Variants in NF2 observed in about 807,000 individuals in gnomAD.
The protein encoded by NF2 is merlin.
NF2 carries 8 observed loss-of-function variants against 83.7 expected under a neutral mutation model. The ratio of observed to expected loss-of-function variants is 0.10; its 90% confidence interval spans 0.06 to 0.17. The LOEUF (loss-of-function observed/expected upper bound fraction) is 0.17. Among genes scored for constraint, NF2 ranks in the 10% least tolerant of loss-of-function variants. NF2 has a pLI of 1.00. For missense variants in NF2, 533 were observed against 744.4 expected (o/e 0.72, Z 3.31); for synonymous variants, 266 against 269.6 (o/e 0.99, Z 0.13).
intron 15 of NF2, among the ~76,000 whole-genome samples, chr22:29,687,493 G>A (rs866185017): frequency 6.6e-6 from 1 of 151,948 alleles, no homozygotes; most frequent in Non-Finnish European, 1.5e-5. Flanking sequence ...GAGAGAGATT[G>A]CATATGCGGG....
chr22:29,671,339 G>T (rs1219357885), intron 10 of NF2, among the ~76,000 whole-genome samples: 1 of 152,174 alleles, frequency 6.6e-6, no homozygotes, highest in Admixed American at 6.5e-5. Context: ...GACCAGCCTG[G>T]CCAATATGGT....
intron 2 of NF2, among the ~76,000 whole-genome samples, chr22:29,638,647 C>T (rs2065714288): frequency 6.6e-6 from 1 of 152,084 alleles, no homozygotes; most frequent in African/African-American, 2.4e-5. Flanking sequence ...CCACCACGCC[C>T]AGCGCTCTAA....
intron 4 of NF2, among the ~76,000 whole-genome samples, chr22:29,652,975 T>C (rs2066193304): frequency 6.6e-6 from 1 of 152,148 alleles, no homozygotes; most frequent in South Asian, 2.1e-4. Flanking sequence ...GGCTGGAGTG[T>C]AGTGGCACAA....
chr22:29,695,316 C>T lies in NF2; in HGVS notation c.*514C>T, dbSNP rs1024127618. On this transcript the variant is annotated 3_prime_UTR_variant, in exon 16 of 16. Coordinates refer to ENST00000338641, the MANE Select transcript of NF2 (RefSeq NM_000268.4). The surrounding 1 kb of genome is among the most constrained non-coding windows in gnomAD (Gnocchi z 5.4). ...GCCAGCACGCCTGCCGGCTTCTCAT[C>T]GTCAGGGAGCCCGCCCAGAGCTCGT... is the stretch of plus-strand genomic sequence containing the variant. 2.9e-5 allele frequency: 8 copies of T among 272,474 alleles called. No homozygotes were observed. The highest frequency in any genetic ancestry group is 1.4e-4 in the Admixed American group (3 of 21,380). 16.9% of individuals were successfully genotyped at this position (272,474 alleles called of 1,614,324 possible).
intron 1 of NF2, among the ~76,000 whole-genome samples, chr22:29,610,476 C>G (rs2064921700): frequency 6.6e-6 from 1 of 151,940 alleles, no homozygotes; most frequent in Admixed American, 6.6e-5. Flanking sequence ...AACCCCATCT[C>G]TACTAAAAAT....
At position 29,673,335 on chromosome 22, in the gene NF2, C is replaced by G. The variant is rs1324529447; in HGVS notation, c.1189C>G (p.Leu397Val). Residue 397 changes from leucine (L) to valine (V), a missense_variant, in exon 12 of 16, where the codon CTT becomes GTT. Physicochemically the swap from Leu to Val is conservative, Grantham distance 32. Coordinates refer to ENST00000338641, the MANE Select transcript of NF2 (RefSeq NM_000268.4). Reference protein sequence around the residue: ...KAQITEEEAKLLAQKAAEAEQ... With the variant: ...KAQITEEEAKVLAQKAAEAEQ... ...CCAGATCACCGAGGAGGAGGCAAAA[C>G]TTCTGGCCCAGAAGGCCGCAGAGGC... 1 of 1,602,672 alleles carries G rather than the reference C, an allele frequency of 6.2e-7. No individual in the cohort carries two copies. Among genetic ancestry groups the G allele is most frequent in the Non-Finnish European group, 8.5e-7 (1 of 1,175,524 alleles).
intron 4 of NF2, among the ~76,000 whole-genome samples, chr22:29,644,085 G>T (rs941651740): frequency 5.9e-5 from 9 of 151,424 alleles, no homozygotes; most frequent in African/African-American, 2.2e-4. Context: ...CTTCCCAGAC[G>T]GGGTGGCTGC....
intron 9 of NF2, among the ~76,000 whole-genome samples, chr22:29,666,090 C>A (rs556559617): frequency 6.6e-6 from 1 of 151,788 alleles, no homozygotes; most frequent in East Asian, 1.9e-4. Flanking sequence ...TCATTCTCAC[C>A]TCTGTAGCAC....
At chr22:29,671,673 G>T (rs140345670) in intron 10 of NF2, among the ~76,000 whole-genome samples, 153 bp from the exon 11 acceptor site, 4 of 152,272 alleles carry the variant, frequency 2.6e-5, no homozygotes, top group Admixed American at 6.5e-5. Context: ...AGGACGGGGT[G>T]GGGGGCAATA....
intron 12 of NF2, 72 bp downstream of exon 12, chr22:29,673,558 G>T: frequency 6.7e-7 from 1 of 1,499,178 alleles, no homozygotes; most frequent in Non-Finnish European, 9.1e-7. Flanking sequence ...CCCTGAGGCT[G>T]AGCTCTACAG....
intron 1 of NF2, among the ~76,000 whole-genome samples, chr22:29,619,201 C>T (rs551745589): frequency 2.0e-4 from 31 of 152,154 alleles, no homozygotes; most frequent in African/African-American, 3.6e-4. Flanking sequence ...TGTGCCAACA[C>T]GCCCTGCTAA....
Position 29,695,833 on chromosome 22 carries a change from C to A in NF2, c.*1031C>A. ...CCCACTTCCCAACCCACTGTTGTAC[C>A]CAGGCCTCACTTTGCTGTTGCCCTT... On this transcript the variant is annotated 3_prime_UTR_variant, in exon 16 of 16. Transcript: ENST00000338641. The surrounding 1 kb of genome is among the most constrained non-coding windows in gnomAD (Gnocchi z 5.4). 4.3e-6 allele frequency: 1 copy of A among 233,746 alleles called. No individual in the cohort carries two copies. The highest frequency in any genetic ancestry group is 1.3e-3 in the Middle Eastern group (1 of 788). 14.5% of individuals were successfully genotyped at this position (233,746 alleles called of 1,614,324 possible).
chr22:29,674,990 C>A, intron 13 of NF2, 49 bp downstream of exon 13: 2 of 1,473,622 alleles, frequency 1.4e-6, no homozygotes, highest in Non-Finnish European at 1.9e-6. Flanking sequence ...TGGTGATGTT[C>A]TCTTTCCTCC....
chr22:29,680,826 C>T (rs1056043465), intron 14 of NF2, among the ~76,000 whole-genome samples: 2 of 151,096 alleles, frequency 1.3e-5, no homozygotes, highest in South Asian at 4.2e-4. Flanking sequence ...GGTTCAAAGC[C>T]AGCCTGGGCA....
chr22:29,624,867 TTC>T (rs940779974), intron 1 of NF2, among the ~76,000 whole-genome samples: 8 of 127,934 alleles, frequency 6.3e-5, no homozygotes, highest in South Asian at 2.5e-4. Context: ...CTTTCTTTCT[TTC>T]TCTTTCTCTC....
At chr22:29,660,307 T>C (rs2066440668) in intron 7 of NF2, among the ~76,000 whole-genome samples, 1 of 152,202 alleles carries the variant, frequency 6.6e-6, no homozygotes, top group African/African-American at 2.4e-5. Context: ...TGTTGATGAA[T>C]AGAATTCTTT....
In NF2 at chr22:29,673,383, A is replaced by G. The variant is rs766974263; in HGVS notation, c.1237A>G (p.Lys413Glu). Reference protein sequence around the residue: ...AEAEQEMQRIKATAIRTEEEK... With the variant: ...AEAEQEMQRIEATAIRTEEEK... ...GGCTGAGCAGGAAATGCAGCGCATCAAGGCCACAGCGATTCGCACGGAGGA... is the reference window on the plus strand; with the variant it reads ...GGCTGAGCAGGAAATGCAGCGCATCGAGGCCACAGCGATTCGCACGGAGGA... The change falls in exon 12 of 16, where the codon AAG becomes GAG. Residue 413 changes from lysine to glutamate, a missense_variant. Lys to Glu is a moderately conservative substitution (Grantham distance 56, BLOSUM62 1). Coordinates refer to ENST00000338641, the MANE Select transcript of NF2 (RefSeq NM_000268.4). The G allele has an allele frequency of 1.2e-6, 2 of 1,611,796 alleles. No individual in the cohort carries two copies. The highest frequency in any genetic ancestry group is 1.7e-5 in the Admixed American group (1 of 59,724).
At chr22:29,620,690 A>G (rs1382123017) in intron 1 of NF2, among the ~76,000 whole-genome samples, 3 of 151,794 alleles carry the variant, frequency 2.0e-5, no homozygotes, top group Non-Finnish European at 4.4e-5. Context: ...GAGCCACTGC[A>G]CTCCAGCCTG....
intron 4 of NF2, among the ~76,000 whole-genome samples, chr22:29,644,956 A>C (rs2065943511): frequency 6.7e-6 from 1 of 149,676 alleles, no homozygotes; most frequent in African/African-American, 2.4e-5. Flanking sequence ...GACCATGGGG[A>C]GAGGGAGAGG....
Sources: gnomAD v4.1 joint callset for allele counts (sites outside exome capture counted in the v4.1 genomes callset) on GRCh38, gnomAD v4.1.1 for gene constraint, Gnocchi (gnomAD v3.1) non-coding constraint, MANE v1.5 for transcripts, NCBI Gene and HGNC (gene_info 2026-07-23, HGNC 2026-07-21) for gene names.